CDH2: variants seen among roughly 807,000 people sequenced by gnomAD.
CDH2 encodes cadherin-2.
In CDH2, 17 loss-of-function variants were observed where a neutral mutation model predicts 92.0. The observed-to-expected ratio is 0.18, with a 90% CI of 0.13 to 0.28. CDH2 has a LOEUF of 0.28. Ranked by LOEUF, CDH2 falls within the 10% of genes least tolerant of loss-of-function variation. The pLI is 1.00. For missense variants in CDH2, 862 were observed against 1,133.1 expected (o/e 0.76, Z 3.44); for synonymous variants, 419 against 415.9 (o/e 1.01, Z -0.09).
chr18:28,066,615 C>G (rs938712294), intron 2 of CDH2, among the ~76,000 whole-genome samples: 1 of 151,944 alleles, frequency 6.6e-6, no homozygotes, highest in East Asian at 1.9e-4. Flanking sequence ...AGATTAGGTG[C>G]CACTGAAAAG....
intron 5 of CDH2, among the ~76,000 whole-genome samples, chr18:28,009,022 T>C (rs9949179): frequency 0.03 from 4,509 of 152,086 alleles, 134 homozygotes; most frequent in African/African-American, 0.074. Flanking sequence ...AAAAAGTAAA[T>C]ACAACAAAAA....
chr18:28,034,313 C>T (rs928101651), intron 2 of CDH2, among the ~76,000 whole-genome samples: 16 of 152,220 alleles, frequency 1.1e-4, no homozygotes, highest in Middle Eastern at 6.8e-3. Context: ...CCAGTGAAAG[C>T]TCTGCTCAAG....
chr18:28,071,080 CAG>C (rs2144167580), intron 2 of CDH2, among the ~76,000 whole-genome samples: 1 of 152,122 alleles, frequency 6.6e-6, no homozygotes, highest in Admixed American at 6.5e-5. Context: ...CCCCTCTTTT[CAG>C]AGAGTGGCCT....
intron 2 of CDH2, among the ~76,000 whole-genome samples, chr18:28,055,686 A>C (rs2014278448): frequency 6.6e-6 from 1 of 152,244 alleles, no homozygotes; most frequent in African/African-American, 2.4e-5. Context: ...TATGTTAATT[A>C]GTATTTATGA....
chr18:28,170,151 T>C (rs1408518224), intron 1 of CDH2, among the ~76,000 whole-genome samples: 3 of 152,220 alleles, frequency 2.0e-5, no homozygotes, highest in Non-Finnish European at 2.9e-5. Flanking sequence ...TTGGATCTAC[T>C]TATAGCTCAG....
intron 2 of CDH2, among the ~76,000 whole-genome samples, chr18:28,087,225 T>C (rs932409735): frequency 9.9e-5 from 15 of 151,718 alleles, no homozygotes; most frequent in African/African-American, 2.9e-4. Flanking sequence ...AAAGACAAGT[T>C]TGATGCAAAA....
chr18:28,135,364 A>G (rs1003081012), intron 2 of CDH2, among the ~76,000 whole-genome samples: 6 of 152,140 alleles, frequency 3.9e-5, no homozygotes, highest in African/African-American at 1.4e-4. Context: ...CTATTTTTTA[A>G]TTATTGCTTA....
intron 14 of CDH2, among the ~76,000 whole-genome samples, chr18:27,968,863 C>T (rs1170508131): frequency 6.6e-6 from 1 of 152,146 alleles, no homozygotes; most frequent in Non-Finnish European, 1.5e-5. Flanking sequence ...AAAAAGCTGA[C>T]TGCGGCACAG....
intron 2 of CDH2, among the ~76,000 whole-genome samples, chr18:28,046,360 T>C (rs184428785): frequency 6.6e-6 from 1 of 152,344 alleles, no homozygotes; most frequent in East Asian, 1.9e-4. Context: ...AAGAATATTT[T>C]AACAAGCTCA....
At chr18:28,053,186 T>C (rs1168994965) in intron 2 of CDH2, among the ~76,000 whole-genome samples, 3 of 151,882 alleles carry the variant, frequency 2.0e-5, no homozygotes, top group East Asian at 3.8e-4. Context: ...GCCTGTGGTA[T>C]TGTGTTATGT....
At chr18:27,936,035 A>G (rs1292987886) in intron 6 of CDH2, among the ~76,000 whole-genome samples, 1 of 152,188 alleles carries the variant, frequency 6.6e-6, no homozygotes, top group Non-Finnish European at 1.5e-5. Context: ...TAGATCATCA[A>G]GGGAAGTCCA....
intron 2 of CDH2, among the ~76,000 whole-genome samples, chr18:28,094,069 C>T (rs1157888527): frequency 6.6e-6 from 1 of 152,202 alleles, no homozygotes; most frequent in Non-Finnish European, 1.5e-5. Context: ...TTCCTCATCA[C>T]ATTTAGGAGA....
chr18:27,935,749 C>T (rs1909002909), intron 6 of CDH2, among the ~76,000 whole-genome samples: 1 of 152,102 alleles, frequency 6.6e-6, no homozygotes. Context: ...GCTTGGCACA[C>T]AACAGATGTC....
chr18:28,176,621 T>G (rs530266501), intron 1 of CDH2, among the ~76,000 whole-genome samples: 1 of 152,142 alleles, frequency 6.6e-6, no homozygotes, highest in South Asian at 2.1e-4. Context: ...CACAGAAAAC[T>G]GCAAAACCTG....
chr18:28,175,639 C>T (rs891322599), intron 1 of CDH2, among the ~76,000 whole-genome samples: 10 of 152,098 alleles, frequency 6.6e-5, no homozygotes, highest in African/African-American at 2.4e-4. Flanking sequence ...CCCGGCGGGC[C>T]GGAGCGCGCC....
chr18:28,090,559 C>T (rs925616402), intron 2 of CDH2, among the ~76,000 whole-genome samples: 14 of 152,170 alleles, frequency 9.2e-5, no homozygotes, highest in African/African-American at 3.4e-4. Flanking sequence ...CCATACCCTT[C>T]CCTCCACAGA....
intron 2 of CDH2, among the ~76,000 whole-genome samples, chr18:28,133,672 G>A (rs909036405): frequency 2.7e-5 from 4 of 146,858 alleles, no homozygotes; most frequent in African/African-American, 7.5e-5. Context: ...GAATTCTCTT[G>A]TTTGCGTGCA....
chr18:28,170,189 T>C (rs1338494032), intron 1 of CDH2, among the ~76,000 whole-genome samples: 1 of 152,230 alleles, frequency 6.6e-6, no homozygotes, highest in East Asian at 1.9e-4. Context: ...TAAACCTAAC[T>C]TGGATTGTCC....
intron 2 of CDH2, among the ~76,000 whole-genome samples, chr18:28,134,714 A>C (rs748449333): frequency 6.6e-6 from 1 of 152,190 alleles, no homozygotes; most frequent in Non-Finnish European, 1.5e-5. Flanking sequence ...TTGTCTCAAA[A>C]AAACAAACAA....
Sources: gnomAD v4.1 joint callset for allele counts (sites outside exome capture counted in the v4.1 genomes callset) on GRCh38, gnomAD v4.1.1 for gene constraint, MANE v1.5 for transcripts, NCBI Gene and HGNC (gene_info 2026-07-23, HGNC 2026-07-21) for gene names.